The following ALK variants were observed in gnomAD, a reference collection of about 807,000 sequenced individuals.
ALK encodes the protein ALK tyrosine kinase receptor.
ALK carries 74 observed loss-of-function variants against 163.1 expected under a neutral mutation model. The ratio of observed to expected loss-of-function variants is 0.45; its 90% CI spans 0.38 to 0.55. ALK has a LOEUF of 0.55. ALK is among the 20% of genes least tolerant of loss of function. The pLI is 0.00. For synonymous variants in ALK, 960 were observed against 843.2 expected (o/e 1.14, Z -2.40); for missense variants, 2,063 against 2,105.3 (o/e 0.98, Z 0.39).
At chr2:29,676,786 T>G (rs1424064530) in intron 3 of ALK, among the ~76,000 whole-genome samples, 1 of 152,048 alleles carries the variant, frequency 6.6e-6, no homozygotes, top group African/African-American at 2.4e-5. Context: ...ATGTCTCTTT[T>G]TTTAATTTAT....
At chr2:29,260,988 A>G (rs772645538) in intron 11 of ALK, among the ~76,000 whole-genome samples, 4 of 152,104 alleles carry the variant, frequency 2.6e-5, no homozygotes, top group Non-Finnish European at 5.9e-5. Flanking sequence ...TATCCCCAGA[A>G]CTTTCTTCTC....
At chr2:29,443,902 T>C (rs146284956) in intron 4 of ALK, among the ~76,000 whole-genome samples, 7 of 152,272 alleles carry the variant, frequency 4.6e-5, no homozygotes, top group African/African-American at 1.7e-4. Flanking sequence ...CAAACGTACC[T>C]AGGATGTTTC....
intron 3 of ALK, among the ~76,000 whole-genome samples, chr2:29,691,774 G>A (rs1233211170): frequency 6.6e-6 from 1 of 152,100 alleles, no homozygotes; most frequent in Non-Finnish European, 1.5e-5. Context: ...AGGAGAAACA[G>A]GTCACCAAGT....
intron 1 of ALK, among the ~76,000 whole-genome samples, chr2:29,855,490 G>A (rs1666116045): frequency 6.6e-6 from 1 of 152,136 alleles, no homozygotes; most frequent in Non-Finnish European, 1.5e-5. Flanking sequence ...ATATGAAAAT[G>A]TAAAGATGAG....
At chr2:29,682,545 T>A (rs1252191956) in intron 3 of ALK, among the ~76,000 whole-genome samples, 1 of 152,178 alleles carries the variant, frequency 6.6e-6, no homozygotes, top group African/African-American at 2.4e-5. Flanking sequence ...CTTTTGGGTA[T>A]CAATGTGTTG....
chr2:29,403,899 G>C (rs1408506157), intron 4 of ALK, among the ~76,000 whole-genome samples: 3 of 151,826 alleles, frequency 2.0e-5, no homozygotes, highest in African/African-American at 7.3e-5. Flanking sequence ...GCAACAGAGA[G>C]AGACCCTGTC....
intron 5 of ALK, among the ~76,000 whole-genome samples, chr2:29,380,686 A>T (rs564534749): frequency 6.6e-6 from 1 of 152,204 alleles, no homozygotes; most frequent in East Asian, 1.9e-4. Flanking sequence ...CGCCCACCTC[A>T]GCCTCACAAA....
intron 4 of ALK, among the ~76,000 whole-genome samples, chr2:29,434,022 T>A: frequency 6.6e-6 from 1 of 152,136 alleles, no homozygotes; most frequent in East Asian, 1.9e-4. Context: ...GTCAATGTGC[T>A]TTGTAAAGTA....
intron 3 of ALK, among the ~76,000 whole-genome samples, chr2:29,572,888 G>A (rs540349716): frequency 2.0e-4 from 31 of 152,252 alleles, no homozygotes; most frequent in African/African-American, 7.5e-4. Flanking sequence ...CCTGGACAGC[G>A]GGATTGTGGT....
intron 1 of ALK, among the ~76,000 whole-genome samples, chr2:29,723,906 C>T (rs181548995): frequency 3.1e-3 from 471 of 152,308 alleles, no homozygotes; most frequent in Middle Eastern, 0.017. Context: ...AGAGCTGCTT[C>T]GCTATTATTC....
intron 5 of ALK, among the ~76,000 whole-genome samples, chr2:29,364,314 T>A (rs1668452182): frequency 6.6e-6 from 1 of 152,036 alleles, no homozygotes; most frequent in Non-Finnish European, 1.5e-5. Context: ...GAAGGGGAAA[T>A]GGAGTATGGT....
intron 1 of ALK, among the ~76,000 whole-genome samples, chr2:29,775,515 C>T (rs533951916): frequency 2.5e-4 from 38 of 150,266 alleles, no homozygotes; most frequent in South Asian, 6.3e-4. Flanking sequence ...CATGTAGGAT[C>T]GGAGTGGACT....
chr2:29,416,710 C>T (rs1018744946), intron 4 of ALK, among the ~76,000 whole-genome samples: 7 of 152,202 alleles, frequency 4.6e-5, no homozygotes, highest in Admixed American at 6.5e-5. Flanking sequence ...AGACTCACTT[C>T]GCAGGATGCA....
At chr2:29,413,571 G>A (rs928991522) in intron 4 of ALK, among the ~76,000 whole-genome samples, 1 of 151,954 alleles carries the variant, frequency 6.6e-6, no homozygotes, top group African/African-American at 2.4e-5. Flanking sequence ...TCACTCTTTT[G>A]CCCAGGCTGG....
At chr2:29,232,558 CTGG>C in intron 14 of ALK, 110 bp from the exon 15 acceptor site, 2 of 1,448,094 alleles carry the variant, frequency 1.4e-6, no homozygotes, top group Non-Finnish European at 1.9e-6. Context: ...TTGGGGTGAC[CTGG>C]TGACCTCTCA....
intron 4 of ALK, among the ~76,000 whole-genome samples, chr2:29,422,523 G>C (rs112723511): frequency 1.4e-5 from 2 of 147,092 alleles, no homozygotes; most frequent in African/African-American, 2.7e-5. Flanking sequence ...GGAGTGCCTT[G>C]GCCTTAGTAC....
At chr2:29,312,211 A>G (rs528746035) in intron 8 of ALK, among the ~76,000 whole-genome samples, 6 of 152,128 alleles carry the variant, frequency 3.9e-5, no homozygotes, top group Non-Finnish European at 8.8e-5. Context: ...TAAGAAGATA[A>G]TAATAGTAAT....
At chr2:29,461,045 G>A (rs980550915) in intron 4 of ALK, among the ~76,000 whole-genome samples, 7 of 152,130 alleles carry the variant, frequency 4.6e-5, no homozygotes, top group Admixed American at 1.3e-4. Context: ...GAAAAGTTTC[G>A]GTGTTCTGAA....
intron 26 of ALK, among the ~76,000 whole-genome samples, chr2:29,198,199 C>T (rs1054041898): frequency 6.6e-6 from 1 of 151,804 alleles, no homozygotes; most frequent in Non-Finnish European, 1.5e-5. Flanking sequence ...GATGTCCAGC[C>T]AGCTGATTTC....
Sources: gnomAD v4.1 joint callset for allele counts (sites outside exome capture counted in the v4.1 genomes callset) on GRCh38, gnomAD v4.1.1 for gene constraint, MANE v1.5 for transcripts, NCBI Gene and HGNC (gene_info 2026-07-23, HGNC 2026-07-21) for gene names.